The following DNM2 variants were observed in gnomAD, a reference collection of about 807,000 sequenced individuals.
DNM2 encodes the protein dynamin-2.
DNM2 carries 15 observed loss-of-function variants against 99.0 expected under a neutral mutation model. That is an observed-to-expected ratio of 0.15 (90% confidence interval 0.10 to 0.23). The LOEUF is 0.23. Among genes scored for constraint, DNM2 ranks in the 10% least tolerant of loss-of-function variants. DNM2 has a pLI of 1.00. For missense variants in DNM2, 742 were observed against 1,189.4 expected, an observed-to-expected ratio of 0.62 and a Z score of 5.53; for synonymous variants, 525 against 481.2, an observed-to-expected ratio of 1.09 and a Z score of -1.19.
intron 15 of DNM2, among the ~76,000 whole-genome samples, chr19:10,819,452 T>TA (rs755154184): frequency 3.3e-5 from 5 of 152,110 alleles, no homozygotes; most frequent in Non-Finnish European, 5.9e-5. Context: ...GGAGCCCAGA[T>TA]AAAAGTTCCA....
At chr19:10,740,871 A>G (rs1434829377) in intron 1 of DNM2, among the ~76,000 whole-genome samples, 1 of 152,050 alleles carries the variant, frequency 6.6e-6, no homozygotes, top group Non-Finnish European at 1.5e-5. Flanking sequence ...TATATTTGAG[A>G]ATTTCTGAAA....
intron 2 of DNM2, among the ~76,000 whole-genome samples, chr19:10,767,407 G>A (rs2070833339): frequency 6.6e-6 from 1 of 152,154 alleles, no homozygotes; most frequent in Non-Finnish European, 1.5e-5. Context: ...AACCTCCCAG[G>A]CTCAAGCAGT....
chr19:10,746,385 T>C (rs1027733857), intron 1 of DNM2, among the ~76,000 whole-genome samples: 9 of 152,172 alleles, frequency 5.9e-5, no homozygotes, highest in Non-Finnish European at 1.0e-4. Context: ...TCAAATGTTA[T>C]GAGCAGAGGA....
In DNM2 at chr19:10,757,179, C is replaced by T. The variant is rs1599488445; in HGVS notation, c.162-2559C>T. Among the ~76,000 whole-genome samples the T allele has an allele frequency of 2.0e-5, 3 of 152,252 alleles. No individual in the cohort carries two copies. The East Asian group carries it at 5.8e-4, about 29-fold the overall frequency. On this transcript the variant is annotated intron_variant, in intron 1 of 20. Transcript: ENST00000389253. ...TCTGCCAGCAGCGCCCCTGGGGGGTCTTCGTAGCCCTGTTGCCCATCACGA... is the reference window on the plus strand; with the variant it reads ...TCTGCCAGCAGCGCCCCTGGGGGGTTTTCGTAGCCCTGTTGCCCATCACGA...
Position 10,831,060 on chromosome 19 carries a change from G to A in DNM2, c.*13G>A. 1.9e-6 allele frequency: 3 copies of A among 1,593,600 alleles called. No individual in the cohort carries two copies. Among genetic ancestry groups the A allele is most frequent in the Non-Finnish European group, 8.5e-7 (1 of 1,169,704 alleles). On this transcript the variant is annotated 3_prime_UTR_variant, in exon 21 of 21. Transcript: ENST00000389253. The surrounding 1 kb of genome is among the most constrained non-coding windows in gnomAD (Gnocchi z 4.3). ...CCTGCTCGACTAGGCCTCGAGGGGG[G>A]CGTGCTCTCGGGGGGGCCTCACGCA...
intron 1 of DNM2, among the ~76,000 whole-genome samples, chr19:10,722,779 C>T (rs1857544612): frequency 6.6e-6 from 1 of 152,116 alleles, no homozygotes; most frequent in Non-Finnish European, 1.5e-5. Context: ...AGGCACGTGC[C>T]ACCACGCTTG....
intron 15 of DNM2, among the ~76,000 whole-genome samples, chr19:10,813,062 T>C (rs1478005616): frequency 6.6e-6 from 1 of 152,230 alleles, no homozygotes; most frequent in Non-Finnish European, 1.5e-5. Context: ...TTCCATCACT[T>C]ACACCTCAGT....
chr19:10,825,132 C>T lies in DNM2; in HGVS notation c.1969C>T (p.Arg657Cys), dbSNP rs772920450. Residue 657 changes from arginine to cysteine, a missense_variant, in exon 18 of 21, where the codon CGC (arginine) becomes TGC (cysteine). Arg to Cys is a radical substitution (Grantham distance 180). Transcript: ENST00000389253. Reference sequence around the variant, plus strand: ...ACTGGAGCGGCAGGTGGAGACCATTCGCAACCTGGTGGACTCATACGTGGC... The same window carrying T: ...ACTGGAGCGGCAGGTGGAGACCATTTGCAACCTGGTGGACTCATACGTGGC... ...PQLERQVETI[R>C]NLVDSYVAII... The T allele has an allele frequency of 2.0e-5, 32 of 1,614,102 alleles. No individual in the cohort carries two copies. The highest frequency in any genetic ancestry group is 2.2e-5 in the East Asian group (1 of 44,892).
At chr19:10,730,466 G>A (rs1391432947) in intron 1 of DNM2, among the ~76,000 whole-genome samples, 1 of 150,668 alleles carries the variant, frequency 6.6e-6, no homozygotes, top group East Asian at 2.0e-4. Flanking sequence ...GTGACAGAGC[G>A]AGACCCTGTC....
chr19:10,729,606 G>A (rs2069240839), intron 1 of DNM2, among the ~76,000 whole-genome samples: 1 of 152,162 alleles, frequency 6.6e-6, no homozygotes, highest in Non-Finnish European at 1.5e-5. Flanking sequence ...CAGTAGGCAC[G>A]TGAGAGTTAG....
intron 13 of DNM2, 47 bp from the exon 14 acceptor site, chr19:10,808,522 C>T (rs774615074): frequency 3.1e-6 from 5 of 1,605,900 alleles, no homozygotes; most frequent in Non-Finnish European, 4.3e-6. Flanking sequence ...TTTCCTTTGC[C>T]TGCTCTTCCC....
chr19:10,739,347 T>C (rs181225865), intron 1 of DNM2, among the ~76,000 whole-genome samples: 20 of 152,346 alleles, frequency 1.3e-4, no homozygotes, highest in Admixed American at 1.2e-3. Context: ...ATATTCACAG[T>C]TGTGTAACCA....
At chr19:10,819,872 T>G in intron 15 of DNM2, 108 bp from the exon 16 acceptor site, 2 of 1,007,168 alleles carry the variant, frequency 2.0e-6, no homozygotes, top group Non-Finnish European at 3.2e-6. Flanking sequence ...GCGACCAGCA[T>G]TGAGAAGCCC....
intron 1 of DNM2, among the ~76,000 whole-genome samples, chr19:10,739,781 T>C (rs1439604380): frequency 7.3e-6 from 1 of 137,542 alleles, no homozygotes; most frequent in Non-Finnish European, 1.5e-5. Context: ...CTCTTGAACC[T>C]GGGGGGCAAG....
rs750052252 is a variant in DNM2, at chr19:10,808,593, T to C, written c.1557+13T>C. The C allele has an allele frequency of 1.2e-6, 2 of 1,611,968 alleles. No homozygotes were observed. The highest frequency in any genetic ancestry group is 4.5e-5 in the East Asian group (2 of 44,870). On this transcript the variant is annotated intron_variant, in intron 14 of 20. Coordinates refer to ENST00000389253, the MANE Select transcript of DNM2 (RefSeq NM_001005361.3). Reference sequence around the variant, plus strand: ...GGGGGAGATCCTGGTAAGTACATGCTTAGTGTGGTAGCAAACATTAGAGAA... The same window carrying C: ...GGGGGAGATCCTGGTAAGTACATGCCTAGTGTGGTAGCAAACATTAGAGAA...
At position 10,735,253 on chromosome 19, in the gene DNM2, T is replaced by A. The variant is rs539491272; in HGVS notation, c.161+16850T>A. On this transcript the variant is annotated intron_variant, in intron 1 of 20. Coordinates refer to ENST00000389253, the MANE Select transcript of DNM2 (RefSeq NM_001005361.3). The stretch of plus-strand genomic sequence containing the variant: ...CGGGGTTTCACCGTGTTAGCCAGGA[T>A]GGTCTCGATCTCCTGACCTCATGAT... 3.3e-5 allele frequency among the ~76,000 whole-genome samples: 5 copies of A among 152,158 alleles called. No homozygotes were observed. The South Asian group carries it at 1.0e-3, about 32-fold the overall frequency.
At chr19:10,751,969 C>T (rs1312947923) in intron 1 of DNM2, among the ~76,000 whole-genome samples, 3 of 152,238 alleles carry the variant, frequency 2.0e-5, no homozygotes, top group Non-Finnish European at 2.9e-5. Context: ...ATTCCTGATG[C>T]AAGTCCTGCT....
chr19:10,808,403 A>C (rs2072426878), intron 13 of DNM2, 166 bp from the exon 14 acceptor site: 2 of 627,464 alleles, frequency 3.2e-6, no homozygotes, highest in Admixed American at 3.1e-5. Flanking sequence ...AATATGATTA[A>C]TAGCATGTAA....
At position 10,775,925 on chromosome 19, in the gene DNM2, C is replaced by T. The variant is rs767859111; in HGVS notation, c.589+19C>T. On this transcript the variant is annotated intron_variant, in intron 4 of 20. Transcript: ENST00000389253. This position sits in a 1 kb window ranked among gnomAD's most constrained non-coding sequence, Gnocchi z 4.3. ...CCCCAAGGTAACCCTGAGCCTAGGG[C>T]AGTCCCCTCTTCCAGGTGCCTCTGA... 1 of 1,607,558 alleles carries T rather than the reference C, an allele frequency of 6.2e-7. No homozygotes were observed. The highest frequency in any genetic ancestry group is 1.7e-5 in the Admixed American group (1 of 59,994).
Sources: allele counts gnomAD v4.1 joint callset (sites outside exome capture counted in the v4.1 genomes callset), GRCh38; gene constraint gnomAD v4.1.1; non-coding constraint Gnocchi (gnomAD v3.1); transcripts MANE v1.5; gene names NCBI Gene and HGNC (gene_info 2026-07-23, HGNC 2026-07-21).